RBFOX1: variants seen among roughly 807,000 people sequenced by gnomAD.
The protein encoded by RBFOX1 is RNA binding protein fox-1 homolog 1.
RBFOX1 carries 8 observed loss-of-function variants against 57.7 expected under a neutral mutation model. The observed-to-expected ratio is 0.14, with a 90% CI of 0.08 to 0.25. The LOEUF (loss-of-function observed/expected upper bound fraction) is 0.25. RBFOX1 is among the 10% of genes least tolerant of loss of function. The pLI, the probability that RBFOX1 is intolerant of heterozygous loss-of-function variation, is 1.00. For missense variants in RBFOX1, 611 were observed against 548.5 expected (o/e 1.11, Z -1.14); for synonymous variants, 326 against 222.4 (o/e 1.47, Z -4.15).
intron 3 of RBFOX1, among the ~76,000 whole-genome samples, chr16:6,659,486 C>T (rs1314802091): frequency 2.0e-5 from 3 of 152,036 alleles, no homozygotes; most frequent in African/African-American, 4.8e-5. Context: ...TAAGTACCGC[C>T]GAATACTTAA....
chr16:5,904,160 T>G (rs2058381785), intron 4 of RBFOX1, among the ~76,000 whole-genome samples: 1 of 152,116 alleles, frequency 6.6e-6, no homozygotes, highest in African/African-American at 2.4e-5. Context: ...CGGCAATGCC[T>G]GGTGTATGCA....
intron 4 of RBFOX1, among the ~76,000 whole-genome samples, chr16:5,912,481 C>T (rs79097909): frequency 1.3e-5 from 2 of 152,150 alleles, no homozygotes; most frequent in African/African-American, 2.4e-5. Context: ...GCTCCTCTCA[C>T]CTCACTCCAG....
At chr16:6,256,896 C>T (rs953814832) in intron 1 of RBFOX1, among the ~76,000 whole-genome samples, 2 of 151,960 alleles carry the variant, frequency 1.3e-5, no homozygotes, top group African/African-American at 4.8e-5. Flanking sequence ...GCAAGAGGAC[C>T]CCTTAGAAGG....
chr16:5,687,060 A>G (rs549998737), intron 3 of RBFOX1, among the ~76,000 whole-genome samples: 13 of 152,326 alleles, frequency 8.5e-5, no homozygotes, highest in African/African-American at 3.1e-4. Context: ...CATATTGGCT[A>G]AGAATCAAAT....
intron 1 of RBFOX1, among the ~76,000 whole-genome samples, chr16:6,298,450 AATTT>A (rs1397760355): frequency 3.3e-5 from 5 of 152,152 alleles, no homozygotes. Context: ...AACAATCATC[AATTT>A]ATTTGACAAA....
chr16:6,908,013 A>G (rs1381956393), intron 3 of RBFOX1, among the ~76,000 whole-genome samples: 1 of 151,634 alleles, frequency 6.6e-6, no homozygotes, highest in Non-Finnish European at 1.5e-5. Flanking sequence ...TAGTGAGGAC[A>G]TGGTCATATT....
intron 5 of RBFOX1, among the ~76,000 whole-genome samples, chr16:7,566,133 C>T (rs910008175): frequency 2.6e-5 from 4 of 152,128 alleles, no homozygotes; most frequent in East Asian, 1.9e-4. Context: ...CTCATATTCT[C>T]GTAAGCATTT....
chr16:6,365,791 T>C (rs2089495258), intron 2 of RBFOX1, among the ~76,000 whole-genome samples: 1 of 152,196 alleles, frequency 6.6e-6, no homozygotes, highest in Non-Finnish European at 1.5e-5. Flanking sequence ...TCCATGTCTG[T>C]AAAATGGAAA....
intron 4 of RBFOX1, among the ~76,000 whole-genome samples, chr16:7,343,295 G>A (rs1243403257): frequency 3.3e-5 from 5 of 152,146 alleles, no homozygotes; most frequent in Non-Finnish European, 4.4e-5. Context: ...TCGAAGTCCC[G>A]CTGCATCCAG....
intron 3 of RBFOX1, among the ~76,000 whole-genome samples, chr16:6,807,608 G>C (rs548846129): frequency 6.6e-6 from 1 of 152,060 alleles, no homozygotes; most frequent in Non-Finnish European, 1.5e-5. Context: ...ACAAGGTCAC[G>C]AGATTGAGAC....
chr16:5,569,448 TTTTTTTTTTTTTTTTTTTTC>T (rs1331645129), intron 2 of RBFOX1, among the ~76,000 whole-genome samples: 5 of 106,984 alleles, frequency 4.7e-5, no homozygotes, highest in Non-Finnish European at 9.0e-5. Context: ...CTTTTTTTTT[TTTTTTTTTTTTTTTTTTTTC>T]TTCTTCTTTT....
intron 3 of RBFOX1, among the ~76,000 whole-genome samples, chr16:6,904,735 C>G (rs754297859): frequency 1.3e-5 from 2 of 151,932 alleles, no homozygotes; most frequent in Admixed American, 1.3e-4. Flanking sequence ...TCACAGGGAC[C>G]CTCGCCTTGC....
intron 2 of RBFOX1, among the ~76,000 whole-genome samples, chr16:6,476,115 T>A (rs1407136941): frequency 6.6e-6 from 1 of 152,148 alleles, no homozygotes; most frequent in African/African-American, 2.4e-5. Context: ...TCATCGACAC[T>A]CACATGGCCA....
intron 4 of RBFOX1, among the ~76,000 whole-genome samples, chr16:5,950,085 C>T (rs978258951): frequency 1.3e-5 from 2 of 152,210 alleles, no homozygotes; most frequent in South Asian, 4.1e-4. Flanking sequence ...TTATTTAAGG[C>T]AGTGTCCTCC....
chr16:5,822,522 A>G (rs1026055695), intron 3 of RBFOX1, among the ~76,000 whole-genome samples: 1 of 152,216 alleles, frequency 6.6e-6, no homozygotes, highest in Non-Finnish European at 1.5e-5. Flanking sequence ...AGTTCTGGAG[A>G]TCTACTCTAT....
At chr16:6,404,930 T>C (rs1196859087) in intron 2 of RBFOX1, among the ~76,000 whole-genome samples, 1 of 152,178 alleles carries the variant, frequency 6.6e-6, no homozygotes, top group African/African-American at 2.4e-5. Flanking sequence ...GAATTCAGCA[T>C]TGGTAGACGG....
chr16:6,302,136 C>G (rs2078893488), intron 1 of RBFOX1, among the ~76,000 whole-genome samples: 1 of 152,096 alleles, frequency 6.6e-6, no homozygotes, highest in African/African-American at 2.4e-5. Flanking sequence ...TACCTGAAAT[C>G]ATGCTATGAA....
intron 3 of RBFOX1, among the ~76,000 whole-genome samples, chr16:5,745,383 A>T (rs1304484839): frequency 6.6e-6 from 1 of 152,214 alleles, no homozygotes; most frequent in East Asian, 1.9e-4. Context: ...TACTATTGTG[A>T]ATAGTGCCGC....
intron 4 of RBFOX1, among the ~76,000 whole-genome samples, chr16:7,350,863 G>T (rs1422092872): frequency 2.0e-5 from 3 of 152,158 alleles, no homozygotes; most frequent in African/African-American, 4.8e-5. Context: ...TATTTTGTGT[G>T]GCTTCAGGGG....
Sources: gnomAD v4.1 joint callset for allele counts (sites outside exome capture counted in the v4.1 genomes callset) on GRCh38, gnomAD v4.1.1 for gene constraint, MANE v1.5 for transcripts, NCBI Gene and HGNC (gene_info 2026-07-23, HGNC 2026-07-21) for gene names.